UTP20: variants seen among roughly 807,000 people sequenced by gnomAD.
The protein encoded by UTP20 is small subunit processome component 20 homolog.
A neutral mutation model predicts 329.5 loss-of-function variants in UTP20; 164 were observed. The observed-to-expected ratio is 0.50, with a 90% CI of 0.44 to 0.57. UTP20 has a LOEUF of 0.57. Among genes scored for constraint, UTP20 ranks in the 20% least tolerant of loss-of-function variants. The probability of loss-of-function intolerance (pLI) is 0.00; values close to 1 mark genes in which losing one functional copy is unlikely to be tolerated. For missense variants in UTP20, 3,055 were observed against 3,284.2 expected (o/e 0.93, Z 1.71); for synonymous variants, 1,151 against 1,159.3 (o/e 0.99, Z 0.14).
In UTP20 at chr12:101,320,919, C is replaced by T. The variant is rs200779998; in HGVS notation, c.2897C>T (p.Pro966Leu). The T allele has an allele frequency of 5.7e-5, 92 of 1,608,886 alleles. No homozygotes were observed. The highest frequency in any genetic ancestry group is 6.8e-6 in the Non-Finnish European group (8 of 1,178,890). Residue 966 changes from proline (P) to leucine (L), a missense_variant, in exon 24 of 62, where the codon CCT becomes CTT. Coordinates refer to ENST00000261637, the MANE Select transcript of UTP20 (RefSeq NM_014503.3). ...GATTGCATAATGACATATAAACATC[C>T]TCATGTCCTCCCTTACAGGTAAGTT... ...TLDCIMTYKH[P>L]HVLPYRENLQ...
At position 101,342,963 on chromosome 12, in the gene UTP20, A is replaced by C. The variant is rs1221621538; in HGVS notation, c.4319A>C (p.His1440Pro). The C allele has an allele frequency of 6.2e-7, 1 of 1,613,762 alleles. No individual in the cohort carries two copies. Among genetic ancestry groups the C allele is most frequent in the South Asian group, 1.1e-5 (1 of 90,828 alleles). Reference protein sequence around the residue: ...VVKLNAFDQRHLDDINFDVRF... With the variant: ...VVKLNAFDQRPLDDINFDVRF... ...TAGCTTAACGCCTTCGATCAAAGAC[A>C]TCTTGATGATATCAACTTCGACGTT... is the stretch of plus-strand genomic sequence containing the variant. Residue 1440 changes from histidine (H) to proline (P), a missense_variant, in exon 35 of 62, where the codon CAT (histidine) becomes CCT (proline). Physicochemically the swap from His to Pro is moderately conservative, Grantham distance 77. This residue lies in a region of UTP20 where 2,445 missense variants were observed against 2,575.5 expected (regional missense o/e 0.95). Coordinates refer to ENST00000261637, the MANE Select transcript of UTP20 (RefSeq NM_014503.3).
Position 101,306,741 on chromosome 12 carries a change from C to T in UTP20, c.1975C>T (p.Gln659Ter). The part of the protein sequence containing the change: ...TIRILNHFDV[Q>*]LPESMEDDGL... ...AAGGATCCTAAACCATTTTGATGTC[C>T]AGCTTCCAGAATCAATGGAGGTATT... The change falls in exon 17 of 62, where the codon CAG becomes TAG. Residue 659 changes from glutamine to a stop codon, truncating the protein, a stop_gained. Transcript: ENST00000261637. LOFTEE classifies it high-confidence loss of function. 6.2e-7 allele frequency: 1 copy of T among 1,604,672 alleles called. No homozygotes were observed. The highest frequency in any genetic ancestry group is 8.5e-7 in the Non-Finnish European group (1 of 1,174,734).
intron 38 of UTP20, among the ~76,000 whole-genome samples, chr12:101,350,692 A>G (rs938203758): frequency 2.2e-4 from 34 of 152,158 alleles, no homozygotes; most frequent in Non-Finnish European, 3.8e-4. Flanking sequence ...TAAATACCCA[A>G]TGCCCTGTGT....
At chr12:101,321,374 T>G in intron 24 of UTP20, 130 bp from the exon 25 acceptor site, 1 of 1,312,968 alleles carries the variant, frequency 7.6e-7, no homozygotes, top group Non-Finnish European at 1.0e-6. Context: ...GATTTTCCTT[T>G]ATGGATATCA....
Position 101,320,908 on chromosome 12 carries a change from A to G in UTP20, c.2886A>G (p.Thr962=). 3 of 1,611,524 alleles carry G rather than the reference A, an allele frequency of 1.9e-6. No homozygotes were observed. Among genetic ancestry groups the G allele is most frequent in the Non-Finnish European group, 2.5e-6 (3 of 1,179,542 alleles). Residue 962 remains threonine (T), a synonymous_variant, in exon 24 of 62, where the codon ACA becomes ACG. Transcript: ENST00000261637. ...AAATAACCTTGGATTGCATAATGAC[A>G]TATAAACATCCTCATGTCCTCCCTT... ...VQKITLDCIM[T]YKHPHVLPYR...
intron 41 of UTP20, among the ~76,000 whole-genome samples, chr12:101,355,708 C>T (rs186313696): frequency 2.0e-5 from 3 of 152,252 alleles, no homozygotes; most frequent in Admixed American, 6.5e-5. Flanking sequence ...GCCAAAAATA[C>T]TATATGGCCT....
At position 101,310,197 on chromosome 12, in the gene UTP20, TA is replaced by T. The variant is rs1401349856; in HGVS notation, c.2231+363del. On this transcript the variant is annotated intron_variant, in intron 19 of 61. Transcript: ENST00000261637. ...TATTTTGAGTCATTGAGCCATACTT[TA>T]AAAATAAAGACTTTTTCAAAACCTT... Among the ~76,000 whole-genome samples, 4 of 152,306 alleles carry T rather than the reference TA, an allele frequency of 2.6e-5. No individual in the cohort carries two copies. The East Asian group carries it at 7.7e-4, about 29-fold the overall frequency.
At chr12:101,352,754 A>G (rs1443913225) in intron 39 of UTP20, among the ~76,000 whole-genome samples, 5 of 150,994 alleles carry the variant, frequency 3.3e-5, no homozygotes, top group East Asian at 2.0e-4. Context: ...TGGCACATGT[A>G]TACATATGTA....
At chr12:101,323,413 A>G (rs923875118) in intron 25 of UTP20, among the ~76,000 whole-genome samples, 4 of 152,226 alleles carry the variant, frequency 2.6e-5, no homozygotes, top group African/African-American at 7.2e-5. Flanking sequence ...CTTTCCAACC[A>G]TAAGTTTGAA....
chr12:101,305,842 T>A, intron 15 of UTP20, 73 bp from the exon 16 acceptor site: 1 of 1,358,876 alleles, frequency 7.4e-7, no homozygotes, highest in Non-Finnish European at 9.6e-7. Context: ...GATCATTTTC[T>A]GTGGCTTATA....
chr12:101,323,929 G>C (rs1024700370), intron 25 of UTP20, among the ~76,000 whole-genome samples: 10 of 152,024 alleles, frequency 6.6e-5, no homozygotes, highest in African/African-American at 1.9e-4. Flanking sequence ...CCGAGGTCAG[G>C]AGTTGGAGAC....
intron 55 of UTP20, among the ~76,000 whole-genome samples, chr12:101,375,322 A>G (rs1476789741): frequency 6.6e-6 from 1 of 152,118 alleles, no homozygotes; most frequent in Non-Finnish European, 1.5e-5. Context: ...ATGAAGATCA[A>G]AGGTTCTCAA....
chr12:101,363,864 G>A (rs1870012180), intron 45 of UTP20, 121 bp downstream of exon 45: 2 of 674,326 alleles, frequency 3.0e-6, no homozygotes, highest in Non-Finnish European at 5.1e-6. Flanking sequence ...TTTGGTGATA[G>A]GGCCCCAGGA....
At chr12:101,334,315 C>A (rs751392526) in intron 28 of UTP20, 110 bp from the exon 29 acceptor site, 9 of 847,188 alleles carry the variant, frequency 1.1e-5, no homozygotes, top group East Asian at 8.2e-5. Context: ...TCATCTCTGT[C>A]CCTTGTCTTT....
rs1872799194 is a variant in UTP20, at chr12:101,311,755, G to T, written c.2268G>T (p.Trp756Cys). ...HAHEMENKQF[W>C]KVYYEHLEKA... ...ACGAAATGGAAAATAAGCAATTTTG[G>T]AAAGTCTACTATGAGCATCTAGAAA... The change falls in exon 20 of 62, where the codon TGG becomes TGT. Residue 756 changes from tryptophan (W) to cysteine (C), a missense_variant. Physicochemically the swap from Trp to Cys is radical, Grantham distance 215. Coordinates refer to ENST00000261637, the MANE Select transcript of UTP20 (RefSeq NM_014503.3). 2 of 1,612,764 alleles carry T rather than the reference G, an allele frequency of 1.2e-6. No individual in the cohort carries two copies. The highest frequency in any genetic ancestry group is 1.3e-5 in the African/African-American group (1 of 74,702).
At chr12:101,302,677 T>C in intron 15 of UTP20, 124 bp downstream of exon 15, 1 of 583,766 alleles carries the variant, frequency 1.7e-6, no homozygotes, top group South Asian at 2.5e-5. Flanking sequence ...ATTCACGTAG[T>C]GAAATTTAAT....
chr12:101,385,332 G>A, intron 60 of UTP20, among the ~76,000 whole-genome samples: 1 of 152,130 alleles, frequency 6.6e-6, no homozygotes, highest in Non-Finnish European at 1.5e-5. Context: ...GGGTGAGGTG[G>A]TGGCTGGAGT....
intron 38 of UTP20, among the ~76,000 whole-genome samples, chr12:101,348,704 G>GTTC (rs1379162451): frequency 8.6e-6 from 1 of 115,780 alleles, no homozygotes; most frequent in Non-Finnish European, 1.9e-5. Flanking sequence ...TTTTGTTGTT[G>GTTC]TTTCCTTTTT....
chr12:101,352,838 T>C (rs1051988920), intron 39 of UTP20, among the ~76,000 whole-genome samples: 1 of 151,586 alleles, frequency 6.6e-6, no homozygotes, highest in African/African-American at 2.4e-5. Flanking sequence ...TAAAAAAAAG[T>C]AATTTAAAAA....
Sources: allele counts gnomAD v4.1 joint callset (sites outside exome capture counted in the v4.1 genomes callset), GRCh38; gene constraint gnomAD v4.1.1; regional missense constraint gnomAD v4.1.1; transcripts MANE v1.5; gene names NCBI Gene and HGNC (gene_info 2026-07-23, HGNC 2026-07-21).